The following MS4A2 variants were observed in gnomAD, a reference collection of about 807,000 sequenced individuals.
MS4A2 encodes high affinity immunoglobulin epsilon receptor subunit beta.
MS4A2 carries 26 observed loss-of-function variants against 27.9 expected under a neutral mutation model. That is an observed-to-expected ratio of 0.93 (90% CI 0.68 to 1.29). The LOEUF is 1.29. MS4A2 is among the 50% of genes most tolerant of loss of function. The pLI is 0.00. For synonymous variants in MS4A2, 110 were observed against 98.8 expected (o/e 1.11, Z -0.67); for missense variants, 284 against 284.6 (o/e 1.00, Z 0.01).
rs1167219364 is a variant in MS4A2, at chr11:60,093,474, C to T, written c.453C>T (p.Asn151=). The change falls in exon 5 of 7, where the codon AAC becomes AAT. Residue 151 remains asparagine (N), a synonymous_variant. Transcript: ENST00000278888. ...CGGGAATTACCATCCTGATCATCAA[C>T]CTGAAGAAGAGCTTGGCCTATATCC... The part of the protein sequence containing the change: ...GGTGITILII[N]LKKSLAYIHI... 1 of 1,614,074 alleles carries T rather than the reference C, an allele frequency of 6.2e-7. No homozygotes were observed. The highest frequency in any genetic ancestry group is 8.5e-7 in the Non-Finnish European group (1 of 1,180,040).
At chr11:60,089,100 A>G (rs1167542479) in intron 1 of MS4A2, among the ~76,000 whole-genome samples, 2 of 152,198 alleles carry the variant, frequency 1.3e-5, no homozygotes, top group Non-Finnish European at 2.9e-5. Flanking sequence ...CTGTGTATGT[A>G]GATCTCTGGC....
At chr11:60,088,557 A>G, upstream of MS4A2, 3 of 1,355,952 alleles carry the variant, frequency 2.2e-6, no homozygotes, top group Non-Finnish European at 2.9e-6. Context: ...AGACTTCTTA[A>G]TTTTTCTATT....
intron 6 of MS4A2, 149 bp downstream of exon 6, chr11:60,094,211 T>C: frequency 1.5e-6 from 1 of 677,524 alleles, no homozygotes; most frequent in Non-Finnish European, 2.7e-6. Context: ...ATCTCACATT[T>C]TAAATCACAT....
At chr11:60,088,553 CTTAAT>C, upstream of MS4A2, 1 of 1,337,750 alleles carries the variant, frequency 7.5e-7, no homozygotes, top group African/African-American at 1.5e-5. Context: ...TAGTAGACTT[CTTAAT>C]TTTTCTATTC....
At chr11:60,088,886 G>A (rs1328895349) in intron 1 of MS4A2, 65 bp downstream of exon 1, 25 of 1,478,654 alleles carry the variant, frequency 1.7e-5, no homozygotes, top group African/African-American at 2.8e-5. Context: ...TCATAGTCAC[G>A]GTGCTTAGGA....
rs1054244260 is a variant in MS4A2, at chr11:60,097,263, G to A, written c.*1607G>A. 4.6e-5 allele frequency: 7 copies of A among 152,200 alleles called. No individual in the cohort carries two copies. The highest frequency in any genetic ancestry group is 7.3e-5 in the Non-Finnish European group (5 of 68,040). 9.4% of individuals were successfully genotyped at this position (152,200 alleles called of 1,614,324 possible). A position where few individuals can be genotyped will look rare whatever the true frequency, so the allele number is the denominator to read the frequency against. On this transcript the variant is annotated 3_prime_UTR_variant, in exon 7 of 7. Coordinates refer to ENST00000278888, the MANE Select transcript of MS4A2 (RefSeq NM_000139.5). Reference sequence around the variant, plus strand: ...ATGCATTGTGAAACTGTAGAGAGCAGGTAGCCCAAAATAGAGAAAGATTAG... The same window carrying A: ...ATGCATTGTGAAACTGTAGAGAGCAAGTAGCCCAAAATAGAGAAAGATTAG...
chr11:60,088,629 CTT>C (rs1279074660), upstream of MS4A2: 122 of 1,515,764 alleles, frequency 8.0e-5, no homozygotes, highest in Non-Finnish European at 1.0e-4. Flanking sequence ...TGGCAAATGA[CTT>C]ATGTATAAAG....
Position 60,088,790 on chromosome 11 carries a change from G to A in MS4A2, c.25G>A (p.Ala9Thr), listed in dbSNP as rs1285117721. 6.2e-7 allele frequency: 1 copy of A among 1,608,778 alleles called. No homozygotes were observed. Among genetic ancestry groups the A allele is most frequent in the East Asian group, 2.2e-5 (1 of 44,818 alleles). Residue 9 changes from alanine (A) to threonine (T), a missense_variant, in exon 1 of 7, where the codon GCA becomes ACA. Transcript: ENST00000278888. MDTESNRR[A>T]NLALPQEPSS... is the part of the protein sequence containing the mutation. ...AATGGACACAGAAAGTAATAGGAGA[G>A]CAAATCTTGCTCTCCCACAGGAGCC...
At chr11:60,093,924 A>G (rs1263186855) in intron 5 of MS4A2, 40 bp from the exon 6 acceptor site, 5 of 1,502,438 alleles carry the variant, frequency 3.3e-6, no homozygotes, top group Non-Finnish European at 4.6e-6. Flanking sequence ...GGCGAATACC[A>G]TGTGACTCTT....
At position 60,097,525 on chromosome 11, in the gene MS4A2, A is replaced by G. The variant is rs188386273; in HGVS notation, c.*1869A>G. 1 of 152,360 alleles carries G rather than the reference A, an allele frequency of 6.6e-6. No individual in the cohort carries two copies. The highest frequency in any genetic ancestry group is 1.5e-5 in the Non-Finnish European group (1 of 68,034). 9.4% of individuals were successfully genotyped at this position (152,360 alleles called of 1,614,324 possible). On this transcript the variant is annotated 3_prime_UTR_variant, in exon 7 of 7. Transcript: ENST00000278888. The stretch of plus-strand genomic sequence containing the variant: ...AATGGGAGCATATGTGAGAAATAAG[A>G]TAGTTGATTATGAATAGAAGGTAGT...
At chr11:60,093,907 CT>C in intron 5 of MS4A2, 56 bp from the exon 6 acceptor site, 3 of 1,391,182 alleles carry the variant, frequency 2.2e-6, no homozygotes, top group Non-Finnish European at 2.0e-6. Context: ...AGAAAATAAA[CT>C]TTTGGGGCGA....
chr11:60,092,531 G>T (rs527732286), intron 3 of MS4A2, among the ~76,000 whole-genome samples: 4 of 151,998 alleles, frequency 2.6e-5, no homozygotes, highest in African/African-American at 2.4e-5. Context: ...CATGACCTCC[G>T]GTGATTCCCC....
chr11:60,095,283 A>T (rs1056427364), intron 6 of MS4A2, among the ~76,000 whole-genome samples: 9 of 152,162 alleles, frequency 5.9e-5, no homozygotes, highest in Admixed American at 2.0e-4. Context: ...AAAGAAATTT[A>T]AAAAATCACT....
chr11:60,088,333 G>A (rs912630082), upstream of MS4A2: 5 of 201,568 alleles, frequency 2.5e-5, no homozygotes, highest in Admixed American at 5.4e-5. Flanking sequence ...AGGTGCAATT[G>A]GATAACTTCT....
At chr11:60,094,629 A>T (rs970647614) in intron 6 of MS4A2, among the ~76,000 whole-genome samples, 8 of 152,194 alleles carry the variant, frequency 5.3e-5, no homozygotes, top group Admixed American at 4.6e-4. Flanking sequence ...TTCCTGAGGC[A>T]TTCAAGTCTA....
At chr11:60,090,529 T>G in intron 3 of MS4A2, 59 bp downstream of exon 3, 1 of 1,536,940 alleles carries the variant, frequency 6.5e-7, no homozygotes, top group Non-Finnish European at 8.9e-7. Context: ...TTTCTCTTTC[T>G]CAGATCTAAC....
intron 2 of MS4A2, among the ~76,000 whole-genome samples, chr11:60,090,023 G>C (rs754345412): frequency 1.3e-5 from 2 of 152,172 alleles, no homozygotes; most frequent in African/African-American, 4.8e-5. Context: ...TTGCTAGGAC[G>C]AGAATGGCCA....
intron 3 of MS4A2, among the ~76,000 whole-genome samples, chr11:60,092,205 G>T (rs1855774061): frequency 6.6e-6 from 1 of 152,016 alleles, no homozygotes. Context: ...TCTCCTGGAA[G>T]CCTCATGTAA....
intron 2 of MS4A2, 151 bp from the exon 3 acceptor site, chr11:60,090,185 G>A (rs1590630831): frequency 2.2e-5 from 18 of 810,442 alleles, no homozygotes. Context: ...ATAGTGGCTA[G>A]GGTATCCTGG....
Sources: allele counts gnomAD v4.1 joint callset (sites outside exome capture counted in the v4.1 genomes callset), GRCh38; gene constraint gnomAD v4.1.1; transcripts MANE v1.5; gene names NCBI Gene and HGNC (gene_info 2026-07-23, HGNC 2026-07-21).